The following RIC1 variants were observed in gnomAD, a reference collection of about 807,000 sequenced individuals.
RIC1 encodes the protein guanine nucleotide exchange factor subunit RIC1.
A neutral mutation model predicts 169.0 loss-of-function variants in RIC1; 88 were observed. The observed-to-expected ratio is 0.52, with a 90% CI of 0.44 to 0.62. The LOEUF is 0.62. Among genes scored for constraint, RIC1 ranks in the 20% least tolerant of loss-of-function variants. RIC1 has a pLI of 0.00. For synonymous variants in RIC1, 790 were observed against 601.5 expected (o/e 1.31, Z -4.59); for missense variants, 1,877 against 1,725.5 (o/e 1.09, Z -1.56).
intron 3 of RIC1, among the ~76,000 whole-genome samples, chr9:5,703,983 A>G (rs1022542713): frequency 6.6e-6 from 1 of 152,142 alleles, no homozygotes; most frequent in Admixed American, 6.5e-5. Flanking sequence ...GTTTTCCCAC[A>G]AGCCATATGT....
rs768566141 is a variant in RIC1, at chr9:5,669,507, T to TAC, written c.252+12818_252+12819dup. Among the ~76,000 whole-genome samples, 9 of 152,342 alleles carry TAC rather than the reference T, an allele frequency of 5.9e-5. No homozygotes were observed. The Middle Eastern group carries it at 0.01, about 173-fold the overall frequency. ...AGTAGTATTCGATGGTGTATATATA[T>TAC]ACCACATTTTCTTTATCCACTTGTT... On this transcript the variant is annotated intron_variant, in intron 2 of 25. Transcript: ENST00000414202.
chr9:5,723,082 T>A (rs1047866863), intron 6 of RIC1, among the ~76,000 whole-genome samples: 3 of 152,240 alleles, frequency 2.0e-5, no homozygotes, highest in Non-Finnish European at 4.4e-5. Flanking sequence ...AGTAATGGGA[T>A]GGCTGGATCA....
rs1818661945 is a variant in RIC1, at chr9:5,648,902, T to C, written c.145-7681T>C. On this transcript the variant is annotated intron_variant, in intron 1 of 25. Transcript: ENST00000414202. ...TGAGTTCCTTGTATATTCTGGTTTT[T>C]AGTTTCTTGTCAGATGCATAGTTTG... Among the ~76,000 whole-genome samples the C allele has an allele frequency of 2.0e-5, 3 of 152,210 alleles. No homozygotes were observed. The South Asian group carries it at 6.2e-4, about 32-fold the overall frequency.
chr9:5,680,052 G>C (rs527548990), intron 2 of RIC1, among the ~76,000 whole-genome samples: 127 of 152,228 alleles, frequency 8.3e-4, no homozygotes, highest in Middle Eastern at 3.4e-3. Flanking sequence ...TAGCATGAAG[G>C]GTTGTTGAAT....
intron 10 of RIC1, 33 bp from the exon 11 acceptor site, chr9:5,745,898 C>CT: frequency 6.3e-7 from 1 of 1,584,704 alleles, no homozygotes; most frequent in Non-Finnish European, 8.6e-7. Context: ...TTTTATTGCT[C>CT]TGACTTTTTT....
intron 3 of RIC1, among the ~76,000 whole-genome samples, chr9:5,697,350 A>T (rs905639331): frequency 6.6e-6 from 1 of 152,184 alleles, no homozygotes; most frequent in Non-Finnish European, 1.5e-5. Context: ...CCCTCATGAT[A>T]TCAGTCCTGT....
chr9:5,644,745 G>C (rs1282234875), intron 1 of RIC1, among the ~76,000 whole-genome samples: 3 of 152,164 alleles, frequency 2.0e-5, no homozygotes, highest in Non-Finnish European at 2.9e-5. Context: ...ATACATGTCT[G>C]TGTGTGGATA....
At chr9:5,655,454 C>T (rs1819038695) in intron 1 of RIC1, among the ~76,000 whole-genome samples, 1 of 152,100 alleles carries the variant, frequency 6.6e-6, no homozygotes, top group African/African-American at 2.4e-5. Context: ...GCGCCTGCCA[C>T]CACACCGGGC....
chr9:5,695,161 A>T (rs893128932), intron 3 of RIC1, among the ~76,000 whole-genome samples: 2 of 152,216 alleles, frequency 1.3e-5, no homozygotes, highest in Admixed American at 6.5e-5. Flanking sequence ...CTCAAAGATG[A>T]TGAGGTAACA....
intron 7 of RIC1, among the ~76,000 whole-genome samples, chr9:5,737,554 A>G (rs1208308451): frequency 6.7e-6 from 1 of 150,080 alleles, no homozygotes; most frequent in African/African-American, 2.4e-5. Flanking sequence ...TACTATATAT[A>G]TATCAAATAT....
chr9:5,717,346 G>T (rs1823309574), intron 4 of RIC1, among the ~76,000 whole-genome samples: 1 of 152,110 alleles, frequency 6.6e-6, no homozygotes, highest in African/African-American at 2.4e-5. Flanking sequence ...GGGAGAGGGA[G>T]AATGTAGTTT....
At chr9:5,677,003 T>G (rs993751112) in intron 2 of RIC1, among the ~76,000 whole-genome samples, 12 of 152,244 alleles carry the variant, frequency 7.9e-5, no homozygotes, top group Admixed American at 7.2e-4. Flanking sequence ...TACAAGTCTT[T>G]GTATGGATGC....
chr9:5,668,298 A>G (rs561043658), intron 2 of RIC1, among the ~76,000 whole-genome samples: 2 of 152,314 alleles, frequency 1.3e-5, no homozygotes, highest in Non-Finnish European at 2.9e-5. Context: ...CAGCCAAACC[A>G]TATCACTGAG....
At chr9:5,680,207 G>T (rs954361579) in intron 2 of RIC1, among the ~76,000 whole-genome samples, 1 of 152,196 alleles carries the variant, frequency 6.6e-6, no homozygotes, top group African/African-American at 2.4e-5. Flanking sequence ...GATCATGGTG[G>T]ATAAGCTTTT....
At chr9:5,765,912 C>A (rs1466656753) in intron 21 of RIC1, 114 bp downstream of exon 21, 6 of 1,317,830 alleles carry the variant, frequency 4.6e-6, no homozygotes, top group African/African-American at 1.5e-5. Context: ...ATTGCAGTTT[C>A]TTTTTCCATT....
intron 6 of RIC1, among the ~76,000 whole-genome samples, chr9:5,721,123 C>T (rs1277090483): frequency 6.6e-6 from 1 of 152,100 alleles, no homozygotes; most frequent in Non-Finnish European, 1.5e-5. Flanking sequence ...TTCCCTCTTC[C>T]CTGCTTCCAC....
At chr9:5,686,646 A>G (rs1356038138) in intron 2 of RIC1, among the ~76,000 whole-genome samples, 6 of 86,434 alleles carry the variant, frequency 6.9e-5, no homozygotes, top group Admixed American at 1.5e-4. Context: ...GGGAGGGGGG[A>G]GGGATAGCAC....
chr9:5,687,730 A>T (rs916160969), intron 2 of RIC1, among the ~76,000 whole-genome samples: 2 of 152,190 alleles, frequency 1.3e-5, no homozygotes, highest in Non-Finnish European at 2.9e-5. Flanking sequence ...ATACACTGCT[A>T]TTATTCTTGT....
intron 11 of RIC1, among the ~76,000 whole-genome samples, chr9:5,746,961 C>T (rs1393079993): frequency 1.3e-5 from 2 of 152,054 alleles, no homozygotes; most frequent in Non-Finnish European, 2.9e-5. Context: ...TAAAAGCACC[C>T]TTGAGTTTTA....
Sources: allele counts gnomAD v4.1 joint callset (sites outside exome capture counted in the v4.1 genomes callset), GRCh38; gene constraint gnomAD v4.1.1; transcripts MANE v1.5; gene names NCBI Gene and HGNC (gene_info 2026-07-23, HGNC 2026-07-21).